The following SLC4A10 variants were observed in gnomAD, a reference collection of about 807,000 sequenced individuals.
SLC4A10 encodes solute carrier family 4 member 10, also known as sodium-driven chloride bicarbonate exchanger.
SLC4A10 carries 42 observed loss-of-function variants against 137.7 expected under a neutral mutation model. The observed-to-expected ratio is 0.30, with a 90% CI of 0.24 to 0.39. The LOEUF is 0.39. Ranked by LOEUF, SLC4A10 falls within the 10% of genes least tolerant of loss-of-function variation. SLC4A10 has a pLI of 1.00. For missense variants in SLC4A10, 925 were observed against 1,355.0 expected (o/e 0.68, Z 4.98); for synonymous variants, 474 against 464.1 (o/e 1.02, Z -0.27).
At chr2:161,661,971 A>G (rs1001266111) in intron 1 of SLC4A10, among the ~76,000 whole-genome samples, 2 of 152,182 alleles carry the variant, frequency 1.3e-5, no homozygotes, top group African/African-American at 4.8e-5. Context: ...AAAAGTAAAA[A>G]CAGTAGTTTC....
chr2:161,944,794 T>G (rs540276962), intron 16 of SLC4A10, among the ~76,000 whole-genome samples: 30 of 151,850 alleles, frequency 2.0e-4, no homozygotes, highest in African/African-American at 7.2e-4. Context: ...AAAAGACCAT[T>G]AAAATTTTTG....
chr2:161,936,229 A>G (rs1691556512), intron 15 of SLC4A10, among the ~76,000 whole-genome samples: 1 of 152,132 alleles, frequency 6.6e-6, no homozygotes, highest in East Asian at 1.9e-4. Flanking sequence ...CATCAGGGAT[A>G]TTGACCTATA....
chr2:161,892,196 G>A (rs895800084), intron 10 of SLC4A10, among the ~76,000 whole-genome samples: 4 of 151,926 alleles, frequency 2.6e-5, no homozygotes, highest in Admixed American at 1.3e-4. Flanking sequence ...CCTAAAACAC[G>A]GTATAGAATA....
Position 161,839,801 on chromosome 2 carries a change from A to T in SLC4A10, c.290A>T (p.Gln97Leu). 6.2e-7 allele frequency: 1 copy of T among 1,613,756 alleles called. No individual in the cohort carries two copies. ...TCTGATTTTTTAGACACCCCATCAC[A>T]GAGGGTACAGTTTATTCTTGGAACC... ...RESPSFDTPS[Q>L]RVQFILGTED... The change falls in exon 4 of 27, where the codon CAG becomes CTG. Residue 97 changes from glutamine to leucine, a missense_variant. Transcript: ENST00000446997.
intron 26 of SLC4A10, among the ~76,000 whole-genome samples, chr2:161,980,212 A>G (rs1700018936): frequency 6.6e-6 from 1 of 152,182 alleles, no homozygotes; most frequent in Non-Finnish European, 1.5e-5. Context: ...TTGGTGACAG[A>G]GGCTAGTCTC....
At chr2:161,731,196 C>G (rs566104388) in intron 1 of SLC4A10, among the ~76,000 whole-genome samples, 1 of 152,156 alleles carries the variant, frequency 6.6e-6, no homozygotes, top group African/African-American at 2.4e-5. Context: ...ATGAGAATCT[C>G]TTTTTAAAAA....
At chr2:161,661,047 T>C (rs2038319991) in intron 1 of SLC4A10, among the ~76,000 whole-genome samples, 1 of 152,130 alleles carries the variant, frequency 6.6e-6, no homozygotes, top group South Asian at 2.1e-4. Flanking sequence ...TCACATATTG[T>C]CCATTTAAAA....
chr2:161,965,592 T>A (rs962847465), intron 23 of SLC4A10, among the ~76,000 whole-genome samples: 18 of 152,102 alleles, frequency 1.2e-4, no homozygotes, highest in Non-Finnish European at 2.1e-4. Context: ...GGGAACAGAG[T>A]TTTAATCAAA....
intron 11 of SLC4A10, among the ~76,000 whole-genome samples, chr2:161,898,219 C>G (rs1292815205): frequency 6.6e-6 from 1 of 152,068 alleles, no homozygotes; most frequent in African/African-American, 2.4e-5. Context: ...CTATGCTATC[C>G]AGTAATCAAG....
Position 161,983,242 on chromosome 2 carries a change from A to G in SLC4A10, c.*90A>G, listed in dbSNP as rs1474489960. ...AAGGTGTTGACAGGGAGACTTGTCT[A>G]TGACTCGATCTTCAATTTATTTTTT... On this transcript the variant is annotated 3_prime_UTR_variant, in exon 27 of 27. Transcript: ENST00000446997. The G allele has an allele frequency of 1.3e-6, 2 of 1,536,322 alleles. No individual in the cohort carries two copies. The highest frequency in any genetic ancestry group is 2.7e-5 in the African/African-American group (2 of 73,044).
At chr2:161,960,711 C>T (rs1166267824) in intron 21 of SLC4A10, among the ~76,000 whole-genome samples, 1 of 149,126 alleles carries the variant, frequency 6.7e-6, no homozygotes, top group Non-Finnish European at 1.5e-5. Flanking sequence ...CAGAGGGATA[C>T]TCTGTCTCAA....
chr2:161,848,099 T>C (rs2059612046), intron 4 of SLC4A10, among the ~76,000 whole-genome samples: 1 of 152,174 alleles, frequency 6.6e-6, no homozygotes, highest in African/African-American at 2.4e-5. Flanking sequence ...CTCATTGTAG[T>C]TTTGGTTTAG....
chr2:161,662,151 T>C (rs947612166), intron 1 of SLC4A10, among the ~76,000 whole-genome samples: 2 of 152,172 alleles, frequency 1.3e-5, no homozygotes, highest in Non-Finnish European at 2.9e-5. Flanking sequence ...TAAGAGATCG[T>C]CTAGGCTCTT....
At chr2:161,646,834 A>G (rs1343688163) in intron 1 of SLC4A10, among the ~76,000 whole-genome samples, 2 of 152,054 alleles carry the variant, frequency 1.3e-5, no homozygotes, top group African/African-American at 4.8e-5. Flanking sequence ...AAGCCTTGCT[A>G]CTATAATAGG....
chr2:161,947,766 T>C (rs765373034), intron 17 of SLC4A10, 39 bp downstream of exon 17: 13 of 1,588,542 alleles, frequency 8.2e-6, no homozygotes, highest in Admixed American at 3.5e-5. Context: ...TAAAATAACA[T>C]AGGACAAAAG....
At chr2:161,762,073 A>G (rs968504107) in intron 1 of SLC4A10, among the ~76,000 whole-genome samples, 5 of 152,154 alleles carry the variant, frequency 3.3e-5, no homozygotes, top group African/African-American at 1.2e-4. Context: ...TGGTATGCCA[A>G]CACCCCAATT....
At chr2:161,744,713 A>G (rs1008761610) in intron 1 of SLC4A10, among the ~76,000 whole-genome samples, 1 of 152,330 alleles carries the variant, frequency 6.6e-6, no homozygotes, top group Admixed American at 6.5e-5. Context: ...AAAAGCAAAG[A>G]GAAAACTAAT....
At chr2:161,879,333 T>C (rs371828595) in intron 9 of SLC4A10, 45 bp downstream of exon 9, 1 of 1,518,210 alleles carries the variant, frequency 6.6e-7, no homozygotes, top group African/African-American at 1.4e-5. Context: ...TAAACCATCT[T>C]TTCATGGAAA....
At chr2:161,712,368 G>T (rs559751229) in intron 1 of SLC4A10, among the ~76,000 whole-genome samples, 249 of 151,438 alleles carry the variant, frequency 1.6e-3, no homozygotes, top group Admixed American at 2.5e-3. Context: ...CTTGTTTATT[G>T]TTTAAGACTA....
Sources: gnomAD v4.1 joint callset for allele counts (sites outside exome capture counted in the v4.1 genomes callset) on GRCh38, gnomAD v4.1.1 for gene constraint, MANE v1.5 for transcripts, NCBI Gene and HGNC (gene_info 2026-07-23, HGNC 2026-07-21) for gene names.